Variants in CNN3 observed in about 807,000 individuals in gnomAD.
CNN3 encodes calponin 3.
In CNN3, 11 loss-of-function variants were observed where a neutral mutation model predicts 39.0. That is an observed-to-expected ratio of 0.28 (90% CI 0.18 to 0.47). The LOEUF (loss-of-function observed/expected upper bound fraction) is 0.47, where lower values mean the gene tolerates loss of function less well. Ranked by LOEUF, CNN3 falls within the 20% of genes least tolerant of loss-of-function variation. The pLI is 0.99. For synonymous variants in CNN3, 101 were observed against 138.3 expected (o/e 0.73, Z 1.89); for missense variants, 266 against 403.4 (o/e 0.66, Z 2.92).
chr1:94,898,187 T>C lies in CNN3; in HGVS notation c.649-104A>G, dbSNP rs72962450. ...CACATTGAATATGAACAGTAATACA[T>C]GAACTTTCATTTGGTTCAGGGGTAA... On this transcript the variant is annotated intron_variant, in intron 6 of 6. Coordinates refer to ENST00000370206, the MANE Select transcript of CNN3 (RefSeq NM_001839.5). The C allele has an allele frequency of 2.6e-3, 3,004 of 1,170,662 alleles. 43 individuals carry two copies. In the African/African-American group the frequency reaches 0.041, roughly 16 times the overall value. 72.5% of individuals were successfully genotyped at this position (1,170,662 alleles called of 1,614,324 possible). A position where few individuals can be genotyped will look rare whatever the true frequency, so the allele number is the denominator to read the frequency against.
chr1:94,902,512 G>A lies in CNN3; in HGVS notation c.247-254C>T, dbSNP rs555657236. ...ACGTGTTTTCAGTTTTTATGGGCAA[G>A]ATCTTCCTTATATATTTTAAAAGGA... On this transcript the variant is annotated intron_variant, in intron 3 of 6. Transcript: ENST00000370206. Among the ~76,000 whole-genome samples the A allele has an allele frequency of 1.4e-4, 22 of 152,272 alleles. No homozygotes were observed. In the South Asian group the frequency reaches 4.6e-3, roughly 32 times the overall value.
chr1:94,910,425 G>T (rs1251666475), intron 1 of CNN3, among the ~76,000 whole-genome samples: 1 of 151,642 alleles, frequency 6.6e-6, no homozygotes. Flanking sequence ...GAACAATGGG[G>T]GCTAACATGG....
At position 94,897,910 on chromosome 1, in the gene CNN3, A is replaced by G; in HGVS notation, c.822T>C (p.Ala274=). 6.2e-7 allele frequency: 1 copy of G among 1,614,128 alleles called. No individual in the cohort carries two copies. Among genetic ancestry groups the G allele is most frequent in the Admixed American group, 1.7e-5 (1 of 60,010 alleles). ...TGTGAATGACAGGTTCTGTAGGAGCAGCACAGTATTTGGGATCATATACTT... is the reference window on the plus strand; with the variant it reads ...TGTGAATGACAGGTTCTGTAGGAGCGGCACAGTATTTGGGATCATATACTT... ...GRQVYDPKYC[A]APTEPVIHNG... is the part of the protein sequence containing the mutation. Residue 274 remains alanine, a synonymous_variant, in exon 7 of 7, where the codon GCT becomes GCC. Transcript: ENST00000370206.
intron 1 of CNN3, among the ~76,000 whole-genome samples, chr1:94,904,214 T>A (rs906691530): frequency 2.0e-5 from 3 of 152,140 alleles, no homozygotes; most frequent in Admixed American, 2.0e-4. Context: ...GTTTAACTTT[T>A]TACTTGCAGA....
chr1:94,898,139 A>AATTCT, intron 6 of CNN3, 56 bp from the exon 7 acceptor site: 2 of 1,460,042 alleles, frequency 1.4e-6, no homozygotes, highest in Non-Finnish European at 1.9e-6. Context: ...TATTCTTGTG[A>AATTCT]ATAATTTATA....
intron 1 of CNN3, among the ~76,000 whole-genome samples, chr1:94,908,838 TAA>T (rs1671084537): frequency 8.2e-6 from 1 of 122,244 alleles, no homozygotes; most frequent in Admixed American, 9.4e-5. Context: ...TCCAAAATAA[TAA>T]TTTTTTTAAA....
chr1:94,911,339 A>C (rs1314512054), intron 1 of CNN3, among the ~76,000 whole-genome samples: 2 of 152,254 alleles, frequency 1.3e-5, no homozygotes, highest in African/African-American at 4.8e-5. Context: ...TCCTCCTCTC[A>C]GAGGTACAAC....
rs74913212 is a variant in CNN3 at position 94,916,200 on chromosome 1, C to T, written c.57+10638G>A. ...CTCTACCGACGATCTCTCAAAAGGT[C>T]ACCAGTGCAGCCTGGGCAACACGGT... On this transcript the variant is annotated intron_variant, in intron 1 of 6. Transcript: ENST00000370206. Among the ~76,000 whole-genome samples the T allele has an allele frequency of 1.5e-3, 226 of 152,288 alleles. 5 individuals are homozygous for T. The East Asian group carries it at 0.04, about 27-fold the overall frequency.
chr1:94,909,647 G>A (rs1033570210), intron 1 of CNN3, among the ~76,000 whole-genome samples: 1 of 152,150 alleles, frequency 6.6e-6, no homozygotes, highest in African/African-American at 2.4e-5. Flanking sequence ...GCAGACACTA[G>A]AGCAGATACA....
At position 94,899,047 on chromosome 1, in the gene CNN3, G is replaced by A. The variant is rs564792918; in HGVS notation, c.648+324C>T. 4.0e-5 allele frequency among the ~76,000 whole-genome samples: 6 copies of A among 150,898 alleles called. No homozygotes were observed. In the East Asian group the frequency reaches 1.2e-3, roughly 29 times the overall value. ...CAGGTAATTTTACCTATTAATTAAG[G>A]GCTCCTTAAAAAAAAAAGTCAGCAT... On this transcript the variant is annotated intron_variant, in intron 6 of 6. Coordinates refer to ENST00000370206, the MANE Select transcript of CNN3 (RefSeq NM_001839.5).
At chr1:94,898,221 T>A in intron 6 of CNN3, 138 bp from the exon 7 acceptor site, 2 of 801,714 alleles carry the variant, frequency 2.5e-6, no homozygotes, top group Non-Finnish European at 3.9e-6. Flanking sequence ...AAAGCTAGCT[T>A]AACCAAAATA....
Position 94,897,890 on chromosome 1 carries a change from A to ATGAC in CNN3, c.838_841dup (p.Ile281SerfsTer18). On this transcript the variant is annotated frameshift_variant, in exon 7 of 7. Coordinates refer to ENST00000370206, the MANE Select transcript of CNN3 (RefSeq NM_001839.5). LOFTEE classifies it high-confidence loss of function. ...TCCTGTTCCTTGGCTTCCGTTGTGAATGACAGGTTCTGTAGGAGCAGCACA... is the reference window on the plus strand; with the variant it reads ...TCCTGTTCCTTGGCTTCCGTTGTGAATGACTGACAGGTTCTGTAGGAGCAGCACA... The ATGAC allele has an allele frequency of 6.2e-7, 1 of 1,614,152 alleles. No homozygotes were observed. The highest frequency in any genetic ancestry group is 8.5e-7 in the Non-Finnish European group (1 of 1,180,006).
In CNN3 at chr1:94,897,413, A is replaced by C. The variant is rs1296417394; in HGVS notation, c.*329T>G. 1.1e-5 allele frequency: 2 copies of C among 189,988 alleles called. No homozygotes were observed. Among genetic ancestry groups the C allele is most frequent in the Non-Finnish European group, 2.2e-5 (2 of 92,676 alleles). 11.8% of individuals were successfully genotyped at this position (189,988 alleles called of 1,614,324 possible). A position where few individuals can be genotyped will look rare whatever the true frequency, so the allele number is the denominator to read the frequency against. ...AAAAAAAGTTTCCTATTGTTTGAAAATACCAGTTTAATATAAGATTGTAAA... is the reference window on the plus strand; with the variant it reads ...AAAAAAAGTTTCCTATTGTTTGAAACTACCAGTTTAATATAAGATTGTAAA... On this transcript the variant is annotated 3_prime_UTR_variant, in exon 7 of 7. Coordinates refer to ENST00000370206, the MANE Select transcript of CNN3 (RefSeq NM_001839.5).
Position 94,897,478 on chromosome 1 carries a change from A to T in CNN3, c.*264T>A, listed in dbSNP as rs1219232938. The T allele has an allele frequency of 2.7e-6, 1 of 365,190 alleles. No individual in the cohort carries two copies. Among genetic ancestry groups the T allele is most frequent in the Non-Finnish European group, 5.0e-6 (1 of 201,670 alleles). The allele number at this position is 365,190 out of a possible 1,614,324, so 22.6% of individuals were successfully genotyped here. Reference sequence around the variant, plus strand: ...TGCATAAAAGAACTGGCTGTACAAGAGTACTCCCCTTTCACAGTATTCCTT... The same window carrying T: ...TGCATAAAAGAACTGGCTGTACAAGTGTACTCCCCTTTCACAGTATTCCTT... On this transcript the variant is annotated 3_prime_UTR_variant, in exon 7 of 7. Coordinates refer to ENST00000370206, the MANE Select transcript of CNN3 (RefSeq NM_001839.5).
chr1:94,924,035 T>A (rs1571539254), intron 1 of CNN3: 1 of 152,286 alleles, frequency 6.6e-6, no homozygotes, highest in Non-Finnish European at 1.5e-5. Flanking sequence ...GATGTTTCTA[T>A]ACTTCTTTGT....
chr1:94,909,592 C>T (rs1571525111), intron 1 of CNN3, among the ~76,000 whole-genome samples: 1 of 152,308 alleles, frequency 6.6e-6, no homozygotes, highest in East Asian at 1.9e-4. Context: ...CTAAGACCAC[C>T]TTCAGAAACA....
chr1:94,925,788 A>C, intron 1 of CNN3: 1 of 985,478 alleles, frequency 1.0e-6, no homozygotes, highest in African/African-American at 1.7e-5. Context: ...AACCACAGGC[A>C]GCCCTCCTTT....
chr1:94,925,879 C>G (rs1157963350), intron 1 of CNN3: 2 of 931,010 alleles, frequency 2.1e-6, no homozygotes, highest in African/African-American at 1.8e-5. Context: ...GGTCTCTCCC[C>G]CCAGAAACCC....
At chr1:94,914,475 C>T (rs75794662) in intron 1 of CNN3, among the ~76,000 whole-genome samples, 1,730 of 152,262 alleles carry the variant, frequency 0.011, 28 homozygotes, top group African/African-American at 0.04. Context: ...TCACTGACCA[C>T]CCGCATCCCC....
Sources: allele counts gnomAD v4.1 joint callset (sites outside exome capture counted in the v4.1 genomes callset), GRCh38; gene constraint gnomAD v4.1.1; transcripts MANE v1.5; gene names NCBI Gene and HGNC (gene_info 2026-07-23, HGNC 2026-07-21).